KSR2: variants seen among roughly 807,000 people sequenced by gnomAD.
The protein encoded by KSR2 is kinase suppressor of ras 2.
In KSR2, 25 loss-of-function variants were observed where a neutral mutation model predicts 107.8. That is an observed-to-expected ratio of 0.23 (90% CI 0.17 to 0.32). The LOEUF (loss-of-function observed/expected upper bound fraction) is 0.32. Among genes scored for constraint, KSR2 ranks in the 10% least tolerant of loss-of-function variants. The pLI, the probability that KSR2 is intolerant of heterozygous loss-of-function variation, is 1.00. For synonymous variants in KSR2, 480 were observed against 507.0 expected (o/e 0.95, Z 0.71); for missense variants, 887 against 1,268.9 (o/e 0.70, Z 4.57).
chr12:117,730,931 C>T (rs1674228922), intron 4 of KSR2, among the ~76,000 whole-genome samples: 1 of 152,008 alleles, frequency 6.6e-6, no homozygotes, highest in African/African-American at 2.4e-5. Context: ...GGCCGCCACC[C>T]CGTCTAGGAA....
intron 14 of KSR2, among the ~76,000 whole-genome samples, chr12:117,492,988 C>T (rs376953084): frequency 2.0e-4 from 30 of 152,070 alleles, no homozygotes; most frequent in African/African-American, 7.0e-4. Flanking sequence ...TCCATGAGAC[C>T]CACTTTGGAC....
chr12:117,821,571 GT>G (rs1180415841), intron 3 of KSR2, among the ~76,000 whole-genome samples: 1 of 152,194 alleles, frequency 6.6e-6, no homozygotes, highest in East Asian at 1.9e-4. Flanking sequence ...TAGGCCATTA[GT>G]AAAGTTTTGG....
chr12:117,793,291 A>AT, intron 3 of KSR2, among the ~76,000 whole-genome samples: 1 of 74,634 alleles, frequency 1.3e-5, no homozygotes. Context: ...CATGCAACAT[A>AT]CCATACACAC....
chr12:117,862,791 G>A (rs550220761), intron 1 of KSR2, among the ~76,000 whole-genome samples: 13 of 148,670 alleles, frequency 8.7e-5, no homozygotes, highest in Middle Eastern at 3.5e-3. Flanking sequence ...GTACAGTGGC[G>A]CGATCTCGGC....
In KSR2 at chr12:117,667,541, G is replaced by A. The variant is rs369328888; in HGVS notation, c.1104C>T (p.Phe368=). Residue 368 remains phenylalanine (F), a synonymous_variant, in exon 5 of 20, where the codon TTC becomes TTT. Coordinates refer to ENST00000339824, the MANE Select transcript of KSR2 (RefSeq NM_173598.6). ...GCAGGAAAGGTGCGTGTCCCACAAA[G>A]AAGGAGCGGAGGGAGCGCTCGGACA... ...PLLSERSLRS[F]FVGHAPFLPS... 18 of 1,612,974 alleles carry A rather than the reference G, an allele frequency of 1.1e-5. No individual in the cohort carries two copies. The highest frequency in any genetic ancestry group is 1.7e-6 in the Non-Finnish European group (2 of 1,179,642).
At chr12:117,640,808 C>G (rs1311528973) in intron 5 of KSR2, among the ~76,000 whole-genome samples, 1 of 152,114 alleles carries the variant, frequency 6.6e-6, no homozygotes. Context: ...CACTGGGGGG[C>G]CATCTGTGAG....
chr12:117,499,492 A>G (rs565315619), intron 14 of KSR2, among the ~76,000 whole-genome samples: 7 of 152,366 alleles, frequency 4.6e-5, no homozygotes, highest in African/African-American at 1.7e-4. Context: ...TTTGGAAAAC[A>G]TTGAATCGGT....
chr12:117,472,513 C>G (rs1300722196), intron 17 of KSR2, among the ~76,000 whole-genome samples: 3 of 152,180 alleles, frequency 2.0e-5, no homozygotes, highest in Non-Finnish European at 1.5e-5. Flanking sequence ...GTGATCTTTC[C>G]TCCACTCTAA....
chr12:117,678,798 C>T (rs1032744098), intron 4 of KSR2, among the ~76,000 whole-genome samples: 1 of 152,102 alleles, frequency 6.6e-6, no homozygotes, highest in Non-Finnish European at 1.5e-5. Context: ...TTCCAAATGG[C>T]CCTGGATGAT....
At chr12:117,513,515 G>A (rs1376637197) in intron 14 of KSR2, among the ~76,000 whole-genome samples, 1 of 152,200 alleles carries the variant, frequency 6.6e-6, no homozygotes. Context: ...CGCTGGGGAA[G>A]GAGAGGGAAA....
rs188203836 is a variant in KSR2, at chr12:117,887,382, C to T, written c.181-26951G>A. On this transcript the variant is annotated intron_variant, in intron 1 of 19. Transcript: ENST00000339824. ...CTCCCAAGTGCTGGGATTACAGGCA[C>T]GAGTGACGGCACCTGGCCCCTTGAC... Among the ~76,000 whole-genome samples, 23 of 152,234 alleles carry T rather than the reference C, an allele frequency of 1.5e-4. No homozygotes were observed. In the East Asian group the frequency reaches 3.9e-3, roughly 26 times the overall value.
chr12:117,573,062 C>T (rs1164476951), intron 7 of KSR2, among the ~76,000 whole-genome samples: 1 of 152,206 alleles, frequency 6.6e-6, no homozygotes, highest in Non-Finnish European at 1.5e-5. Context: ...GAAAACGCCT[C>T]AATTTAGATA....
chr12:117,815,090 C>G (rs1317645953), intron 3 of KSR2, among the ~76,000 whole-genome samples: 1 of 152,182 alleles, frequency 6.6e-6, no homozygotes, highest in Admixed American at 6.5e-5. Context: ...CAGGAAAGAG[C>G]ACTCTTAGAC....
chr12:117,685,435 C>T (rs1885531087), intron 4 of KSR2, among the ~76,000 whole-genome samples: 1 of 152,234 alleles, frequency 6.6e-6, no homozygotes, highest in Non-Finnish European at 1.5e-5. Flanking sequence ...TCCTCCTCCC[C>T]TTGCCTGAAG....
chr12:117,595,406 G>A lies in KSR2; in HGVS notation c.1172-13047C>T, dbSNP rs1008021942. Among the ~76,000 whole-genome samples, 6 of 114,272 alleles carry A rather than the reference G, an allele frequency of 5.3e-5. No homozygotes were observed. In the South Asian group the frequency reaches 8.4e-4, roughly 16 times the overall value. The allele number at this position is 114,272 out of a possible 152,430, so 75.0% of individuals were successfully genotyped here. A position where few individuals can be genotyped will look rare whatever the true frequency, so the allele number is the denominator to read the frequency against. Reference sequence around the variant, plus strand: ...GGAGTCTCGCTCTGTTGCCCAGGCCGGACTGCGGACTGCAGTGGCGCAATC... The same window carrying A: ...GGAGTCTCGCTCTGTTGCCCAGGCCAGACTGCGGACTGCAGTGGCGCAATC... On this transcript the variant is annotated intron_variant, in intron 5 of 19. Transcript: ENST00000339824.
At chr12:117,656,106 G>A (rs1884143029) in intron 5 of KSR2, among the ~76,000 whole-genome samples, 2 of 152,238 alleles carry the variant, frequency 1.3e-5, no homozygotes, top group South Asian at 2.1e-4. Flanking sequence ...CTGCAGCAAT[G>A]AGGACTATAA....
At chr12:117,522,603 T>G (rs1874835366) in intron 14 of KSR2, among the ~76,000 whole-genome samples, 1 of 152,202 alleles carries the variant, frequency 6.6e-6, no homozygotes, top group Non-Finnish European at 1.5e-5. Flanking sequence ...CAGTGGGACA[T>G]TGCAGATCTT....
intron 7 of KSR2, among the ~76,000 whole-genome samples, chr12:117,567,601 C>G (rs1051358442): frequency 6.6e-6 from 1 of 151,334 alleles, no homozygotes; most frequent in African/African-American, 2.4e-5. Flanking sequence ...ATCTTCCCTA[C>G]TCTCTGTACC....
intron 7 of KSR2, among the ~76,000 whole-genome samples, chr12:117,573,237 G>A (rs917062154): frequency 6.6e-6 from 1 of 152,162 alleles, no homozygotes; most frequent in Non-Finnish European, 1.5e-5. Context: ...TTCCTGGGTG[G>A]AGGGTACCCC....
Sources: gnomAD v4.1 joint callset for allele counts (sites outside exome capture counted in the v4.1 genomes callset) on GRCh38, gnomAD v4.1.1 for gene constraint, MANE v1.5 for transcripts, NCBI Gene and HGNC (gene_info 2026-07-23, HGNC 2026-07-21) for gene names.